CADPS: variants seen among roughly 807,000 people sequenced by gnomAD.
CADPS encodes the protein calcium dependent secretion activator, also known as calcium-dependent secretion activator 1.
CADPS carries 57 observed loss-of-function variants against 167.3 expected under a neutral mutation model. That is an observed-to-expected ratio of 0.34 (90% confidence interval 0.28 to 0.42). CADPS has a LOEUF of 0.42. Among genes scored for constraint, CADPS ranks in the 20% least tolerant of loss-of-function variants. The probability of loss-of-function intolerance (pLI) is 1.00; values close to 1 mark genes in which losing one functional copy is unlikely to be tolerated. For synonymous variants in CADPS, 676 were observed against 635.3 expected (o/e 1.06, Z -0.96); for missense variants, 1,414 against 1,738.1 (o/e 0.81, Z 3.32).
chr3:62,757,998 G>C (rs376433532), intron 2 of CADPS, among the ~76,000 whole-genome samples: 1 of 152,210 alleles, frequency 6.6e-6, no homozygotes, highest in African/African-American at 2.4e-5. Flanking sequence ...CCCATGACAC[G>C]TGGGAATTAT....
intron 8 of CADPS, among the ~76,000 whole-genome samples, chr3:62,576,855 C>T (rs2152496314): frequency 7.6e-6 from 1 of 131,800 alleles, no homozygotes; most frequent in East Asian, 2.4e-4. Context: ...TTTGGGTGCA[C>T]ATCTGTTGGG....
chr3:62,411,783 C>T (rs1452612196), intron 28 of CADPS, among the ~76,000 whole-genome samples: 2 of 152,200 alleles, frequency 1.3e-5, no homozygotes, highest in East Asian at 1.9e-4. Flanking sequence ...CACTAAAGGA[C>T]GGCACGCAGT....
chr3:62,821,200 A>G (rs1166281867), intron 1 of CADPS, among the ~76,000 whole-genome samples: 3 of 152,174 alleles, frequency 2.0e-5, no homozygotes, highest in African/African-American at 7.2e-5. Flanking sequence ...ATTGTTACAT[A>G]ACAAATAGCT....
chr3:62,526,534 G>A (rs967301907), intron 13 of CADPS, among the ~76,000 whole-genome samples: 2 of 152,172 alleles, frequency 1.3e-5, no homozygotes, highest in Admixed American at 6.5e-5. Context: ...GTCACTGTGG[G>A]ATAGTGACCA....
chr3:62,443,420 G>T (rs181395871), intron 27 of CADPS, among the ~76,000 whole-genome samples: 1 of 152,266 alleles, frequency 6.6e-6, no homozygotes, highest in East Asian at 1.9e-4. Flanking sequence ...TCCAGAGTGT[G>T]AAAACTCTAC....
chr3:62,850,968 T>A (rs1422148454), intron 1 of CADPS, among the ~76,000 whole-genome samples: 3 of 150,114 alleles, frequency 2.0e-5, no homozygotes, highest in African/African-American at 4.9e-5. Flanking sequence ...CTGTATTGGG[T>A]GCATATATAT....
chr3:62,637,524 G>C (rs1194176841), intron 6 of CADPS, among the ~76,000 whole-genome samples: 1 of 152,200 alleles, frequency 6.6e-6, no homozygotes, highest in Non-Finnish European at 1.5e-5. Context: ...CCTGCTGAGT[G>C]TGTACACTAA....
rs1487562327 is a variant in CADPS, at chr3:62,875,309, C to T, written c.-280G>A. On this transcript the variant is annotated 5_prime_UTR_variant, in exon 1 of 30. Transcript: ENST00000383710. ...GGAGAATCAATTGCGAGCCCCGAGCCCGCAGCCGGATGCCATCTGCGGCTG... is the reference window on the plus strand; with the variant it reads ...GGAGAATCAATTGCGAGCCCCGAGCTCGCAGCCGGATGCCATCTGCGGCTG... 1.8e-5 allele frequency: 4 copies of T among 220,684 alleles called. No individual in the cohort carries two copies. The highest frequency in any genetic ancestry group is 4.6e-5 in the African/African-American group (2 of 43,762). 13.7% of individuals were successfully genotyped at this position (220,684 alleles called of 1,614,324 possible).
At chr3:62,744,143 G>A (rs573961083) in intron 3 of CADPS, among the ~76,000 whole-genome samples, 1 of 152,042 alleles carries the variant, frequency 6.6e-6, no homozygotes, top group Non-Finnish European at 1.5e-5. Flanking sequence ...TTAAAGGCTT[G>A]TTATGAGGAT....
At chr3:62,731,215 G>A (rs2077718292) in intron 3 of CADPS, among the ~76,000 whole-genome samples, 1 of 152,178 alleles carries the variant, frequency 6.6e-6, no homozygotes, top group Non-Finnish European at 1.5e-5. Flanking sequence ...TGAGAATTGT[G>A]AAGGACATGT....
intron 29 of CADPS, among the ~76,000 whole-genome samples, chr3:62,400,616 T>TTTTC (rs778234281): frequency 6.7e-6 from 1 of 148,350 alleles, no homozygotes; most frequent in African/African-American, 2.5e-5. Context: ...TTTTTTTTTT[T>TTTTC]CAAGATGGCA....
intron 5 of CADPS, among the ~76,000 whole-genome samples, chr3:62,647,222 C>G (rs74598652): frequency 1.3e-5 from 2 of 152,134 alleles, no homozygotes; most frequent in East Asian, 3.9e-4. Context: ...AATGTGAGTG[C>G]GCAAAAAATG....
At chr3:62,477,893 T>C (rs1403644081) in intron 23 of CADPS, 5 of 199,758 alleles carry the variant, frequency 2.5e-5, no homozygotes, top group East Asian at 2.2e-4. Flanking sequence ...TATTCTTCTT[T>C]TTTTCCCTTC....
Position 62,436,269 on chromosome 3 carries a change from G to A in CADPS, c.3777+1835C>T, listed in dbSNP as rs907939275. Reference sequence around the variant, plus strand: ...ACATCAAATTCAGTACTAGATTTAAGTTTTAGAGAACACAAGGTTATTGGT... The same window carrying A: ...ACATCAAATTCAGTACTAGATTTAAATTTTAGAGAACACAAGGTTATTGGT... On this transcript the variant is annotated intron_variant, in intron 28 of 29. Coordinates refer to ENST00000383710, the MANE Select transcript of CADPS (RefSeq NM_003716.4). Among the ~76,000 whole-genome samples the A allele has an allele frequency of 5.1e-4, 78 of 152,008 alleles. 1 individual carries two copies. The highest frequency in any genetic ancestry group is 1.7e-3 in the African/African-American group (72 of 41,388).
chr3:62,416,462 G>C (rs528223666), intron 28 of CADPS, among the ~76,000 whole-genome samples: 1 of 152,166 alleles, frequency 6.6e-6, no homozygotes, highest in African/African-American at 2.4e-5. Context: ...GGACTGGAAA[G>C]CTCCAAATAG....
chr3:62,718,709 G>A (rs931789468), intron 3 of CADPS, among the ~76,000 whole-genome samples: 1 of 152,202 alleles, frequency 6.6e-6, no homozygotes, highest in African/African-American at 2.4e-5. Context: ...CTACATTTCT[G>A]AAAGACAGAG....
chr3:62,651,051 T>C lies in CADPS; in HGVS notation c.999A>G (p.Lys333=). Reference sequence around the variant, plus strand: ...CCTCAATGTACATGTTTTCCATTTCTTTGGATACAAACTTGGGAAATTTGC... The same window carrying C: ...CCTCAATGTACATGTTTTCCATTTCCTTGGATACAAACTTGGGAAATTTGC... ...RERKFPKFVS[K]EMENMYIEEL... Residue 333 remains lysine, a synonymous_variant, in exon 5 of 30, where the codon AAA becomes AAG. Coordinates refer to ENST00000383710, the MANE Select transcript of CADPS (RefSeq NM_003716.4). 6.2e-7 allele frequency: 1 copy of C among 1,613,954 alleles called. No homozygotes were observed. The highest frequency in any genetic ancestry group is 2.2e-5 in the East Asian group (1 of 44,862).
At chr3:62,570,990 T>G in intron 8 of CADPS, 52 bp from the exon 9 acceptor site, 1 of 1,141,984 alleles carries the variant, frequency 8.8e-7, no homozygotes, top group Non-Finnish European at 1.3e-6. Context: ...GTGAGTGAAT[T>G]GTTGAACACA....
At chr3:62,553,904 T>C (rs1021888507) in intron 10 of CADPS, among the ~76,000 whole-genome samples, 1 of 152,156 alleles carries the variant, frequency 6.6e-6, no homozygotes, top group Non-Finnish European at 1.5e-5. Flanking sequence ...GGGCTCTCCT[T>C]GGAGAACGAG....
Sources: allele counts gnomAD v4.1 joint callset (sites outside exome capture counted in the v4.1 genomes callset), GRCh38; gene constraint gnomAD v4.1.1; transcripts MANE v1.5; gene names NCBI Gene and HGNC (gene_info 2026-07-23, HGNC 2026-07-21).